The following CDK1 variants were observed in gnomAD, a reference collection of about 807,000 sequenced individuals.
The protein encoded by CDK1 is cyclin-dependent kinase 1.
Under a neutral mutation model 34.6 loss-of-function variants are expected in CDK1, and 5 were observed. That is an observed-to-expected ratio of 0.14 (90% CI 0.08 to 0.30). The LOEUF (loss-of-function observed/expected upper bound fraction) is 0.30, where lower values mean the gene tolerates loss of function less well. Among genes scored for constraint, CDK1 ranks in the 10% least tolerant of loss-of-function variants. The probability of loss-of-function intolerance (pLI) is 1.00; values close to 1 mark genes in which losing one functional copy is unlikely to be tolerated. For missense variants in CDK1, 157 were observed against 345.7 expected, an observed-to-expected ratio of 0.45 and a Z score of 4.33; for synonymous variants, 108 against 114.7, an observed-to-expected ratio of 0.94 and a Z score of 0.37.
rs1023381864 is a variant in CDK1, at chr10:60,785,890, T to C, written c.318+103T>C. The C allele has an allele frequency of 5.9e-6, 8 of 1,353,392 alleles. No individual in the cohort carries two copies. The East Asian group carries it at 1.6e-4, about 26-fold the overall frequency. The allele number at this position is 1,353,392 out of a possible 1,614,324, so 83.8% of individuals were successfully genotyped here. A position where few individuals can be genotyped will look rare whatever the true frequency, so the allele number is the denominator to read the frequency against. On this transcript the variant is annotated intron_variant, in intron 4 of 7. Transcript: ENST00000395284. ...GTGGGAATATGCTTGGAAAAAGTGTTAGAATAAGAAAAAGTATTTCATTTT... is the reference window on the plus strand; with the variant it reads ...GTGGGAATATGCTTGGAAAAAGTGTCAGAATAAGAAAAAGTATTTCATTTT...
At chr10:60,786,993 T>G in intron 4 of CDK1, 1 of 977,818 alleles carries the variant, frequency 1.0e-6, no homozygotes, top group Non-Finnish European at 1.2e-6. Flanking sequence ...CCACACATAC[T>G]TTTTTTGTCT....
chr10:60,780,728 T>C (rs568432289), intron 2 of CDK1, among the ~76,000 whole-genome samples: 2 of 152,294 alleles, frequency 1.3e-5, no homozygotes, highest in Admixed American at 6.5e-5. Flanking sequence ...TTATAACTTA[T>C]GTATATAATC....
intron 5 of CDK1, among the ~76,000 whole-genome samples, chr10:60,790,596 A>G (rs2080352899): frequency 6.6e-6 from 1 of 152,148 alleles, no homozygotes; most frequent in South Asian, 2.1e-4. Flanking sequence ...GGTCTTATCC[A>G]TATGATTTTT....
intron 1 of CDK1, among the ~76,000 whole-genome samples, chr10:60,778,832 T>G (rs1442428959): frequency 6.6e-6 from 1 of 152,064 alleles, no homozygotes; most frequent in African/African-American, 2.4e-5. Context: ...GGGGCTGCAG[T>G]CATGAGTCGA....
intron 6 of CDK1, 26 bp from the exon 7 acceptor site, chr10:60,792,122 G>A (rs775201391): frequency 6.3e-7 from 1 of 1,598,568 alleles, no homozygotes; most frequent in East Asian, 2.2e-5. Flanking sequence ...TATGCTTTAA[G>A]AAATTTTTAA....
At chr10:60,782,252 T>C (rs533530267) in intron 2 of CDK1, among the ~76,000 whole-genome samples, 1 of 152,356 alleles carries the variant, frequency 6.6e-6, no homozygotes, top group Non-Finnish European at 1.5e-5. Context: ...GTTTACTTTA[T>C]TATCTGTATG....
intron 1 of CDK1, 111 bp from the exon 2 acceptor site, chr10:60,780,030 C>G (rs2260179): frequency 0.33 from 221,821 of 662,656 alleles, 39,372 homozygotes; most frequent in East Asian, 0.58. Flanking sequence ...TTATGGAATA[C>G]TTATGCTGCA....
intron 2 of CDK1, among the ~76,000 whole-genome samples, chr10:60,783,303 G>T (rs959272372): frequency 6.6e-6 from 1 of 152,044 alleles, no homozygotes; most frequent in African/African-American, 2.4e-5. Context: ...AGTATAAAAT[G>T]ACTCATGTCA....
intron 7 of CDK1, among the ~76,000 whole-genome samples, chr10:60,793,357 C>T (rs1292589424): frequency 6.6e-6 from 1 of 151,924 alleles, no homozygotes; most frequent in Non-Finnish European, 1.5e-5. Context: ...CTTTATTTAG[C>T]TTTTTCTGGC....
At chr10:60,785,533 C>A in intron 3 of CDK1, 131 bp from the exon 4 acceptor site, 1 of 591,872 alleles carries the variant, frequency 1.7e-6, no homozygotes, top group South Asian at 2.9e-5. Flanking sequence ...TGAGTCTCTT[C>A]CATTAGGGAA....
At chr10:60,786,945 G>C (rs968845725) in intron 4 of CDK1, 1 of 981,878 alleles carries the variant, frequency 1.0e-6, no homozygotes, top group African/African-American at 1.8e-5. Flanking sequence ...AATAATACAT[G>C]TCAGTATTTT....
chr10:60,783,373 C>G (rs1262117123), intron 2 of CDK1: 1 of 152,076 alleles, frequency 6.6e-6, no homozygotes, highest in Non-Finnish European at 1.5e-5. Flanking sequence ...TATAGAGGTT[C>G]TGTCAAAAAA....
intron 4 of CDK1, chr10:60,786,314 C>A: frequency 2.1e-6 from 2 of 963,998 alleles, no homozygotes; most frequent in Non-Finnish European, 2.5e-6. Context: ...TGTATGTTCA[C>A]TTTGTATGTA....
chr10:60,781,319 A>G (rs942496563), intron 2 of CDK1, among the ~76,000 whole-genome samples: 1 of 152,178 alleles, frequency 6.6e-6, no homozygotes, highest in African/African-American at 2.4e-5. Flanking sequence ...TGCTACTAGA[A>G]ATAGGAGCAG....
At chr10:60,790,394 T>G (rs1251654776) in intron 5 of CDK1, among the ~76,000 whole-genome samples, 1 of 152,098 alleles carries the variant, frequency 6.6e-6, no homozygotes, top group Non-Finnish European at 1.5e-5. Context: ...TACACAGGCA[T>G]GCACCACCAT....
At chr10:60,792,543 C>A (rs961001832) in intron 7 of CDK1, among the ~76,000 whole-genome samples, 2 of 69,960 alleles carry the variant, frequency 2.9e-5, no homozygotes, top group African/African-American at 4.5e-5. Flanking sequence ...AGGATTAATA[C>A]ACATTTTTTT....
chr10:60,787,649 TC>T (rs1343932105), intron 4 of CDK1: 2 of 148,708 alleles, frequency 1.3e-5, no homozygotes, highest in Admixed American at 1.4e-4. Context: ...ACTTTTAGAA[TC>T]TAATTTTTTC....
rs971499879 is a variant in CDK1, at chr10:60,778,576, G to A, written c.-26+6G>A. On this transcript the variant is annotated splice_donor_region_variant and intron_variant, in intron 1 of 7. Coordinates refer to ENST00000395284, the MANE Select transcript of CDK1 (RefSeq NM_001786.5). ...GCCGCGGAATAATAAGCCGGGTACA[G>A]TGGCTGGGGTCAGGGTCGTGTCTAG... 1.3e-5 allele frequency: 2 copies of A among 152,360 alleles called. No individual in the cohort carries two copies. The highest frequency in any genetic ancestry group is 3.9e-4 in the East Asian group (2 of 5,178). The allele number at this position is 152,360 out of a possible 1,614,324, so 9.4% of individuals were successfully genotyped here. A position where few individuals can be genotyped will look rare whatever the true frequency, so the allele number is the denominator to read the frequency against.
At chr10:60,788,850 G>A (rs1478037382) in intron 5 of CDK1, among the ~76,000 whole-genome samples, 1 of 152,094 alleles carries the variant, frequency 6.6e-6, no homozygotes, top group East Asian at 1.9e-4. Context: ...ACTGTCTCCA[G>A]ATCAAAACTA....
Sources: allele counts gnomAD v4.1 joint callset (sites outside exome capture counted in the v4.1 genomes callset), GRCh38; gene constraint gnomAD v4.1.1; transcripts MANE v1.5; gene names NCBI Gene and HGNC (gene_info 2026-07-23, HGNC 2026-07-21).